Variants in PARVA observed in about 807,000 individuals in gnomAD.
PARVA encodes the protein alpha-parvin.
PARVA carries 25 observed loss-of-function variants against 52.6 expected under a neutral mutation model. That is an observed-to-expected ratio of 0.48 (90% CI 0.35 to 0.66). The LOEUF is 0.66. Ranked by LOEUF, PARVA falls within the 30% of genes least tolerant of loss-of-function variation. PARVA has a pLI of 0.01. For missense variants in PARVA, 373 were observed against 450.9 expected (o/e 0.83, Z 1.56); for synonymous variants, 185 against 179.1 (o/e 1.03, Z -0.26).
At chr11:12,506,571 T>C (rs1314826694) in intron 6 of PARVA, among the ~76,000 whole-genome samples, 1 of 152,244 alleles carries the variant, frequency 6.6e-6, no homozygotes, top group Non-Finnish European at 1.5e-5. Flanking sequence ...ATTGCAAGCC[T>C]GTGTCTCCTG....
rs1220972542 is a variant in PARVA at position 12,532,057 on chromosome 11, G to A, written c.*4132G>A. Among the ~76,000 whole-genome samples, 2 of 152,144 alleles carry A rather than the reference G, an allele frequency of 1.3e-5. No individual in the cohort carries two copies. The highest frequency in any genetic ancestry group is 1.3e-4 in the Admixed American group (2 of 15,272). On this transcript the variant is annotated 3_prime_UTR_variant, in exon 13 of 13. Transcript: ENST00000334956. ...AGGCTAGCTCCAAACTCTGCTTATA[G>A]CCCATGCTTTACTACAGTGGTGGTC...
intron 1 of PARVA, among the ~76,000 whole-genome samples, chr11:12,417,697 A>T (rs1297950948): frequency 6.6e-6 from 1 of 152,160 alleles, no homozygotes; most frequent in African/African-American, 2.4e-5. Flanking sequence ...GGCCCAAGTT[A>T]AGTTTGTATT....
intron 5 of PARVA, among the ~76,000 whole-genome samples, chr11:12,499,879 A>T (rs999362712): frequency 6.6e-6 from 1 of 152,220 alleles, no homozygotes; most frequent in Non-Finnish European, 1.5e-5. Flanking sequence ...GAAGATGTAT[A>T]TATTGACAAA....
Position 12,517,555 on chromosome 11 carries a change from TG to T in PARVA, c.868-51del, listed in dbSNP as rs1411440627. 7.7e-6 allele frequency: 10 copies of T among 1,300,244 alleles called. No homozygotes were observed. The African/African-American group carries it at 1.5e-4, about 19-fold the overall frequency. The allele number at this position is 1,300,244 out of a possible 1,614,324, so 80.5% of individuals were successfully genotyped here. ...CACAGAAGTTGATGGGCCCCCTGGA[TG>T]GGGATTGGCTGGGAGGCTCAGGGGC... On this transcript the variant is annotated intron_variant, in intron 10 of 12. Transcript: ENST00000334956.
In PARVA at chr11:12,377,769, A is replaced by T; in HGVS notation, c.122A>T (p.Lys41Met). The T allele has an allele frequency of 6.6e-7, 1 of 1,518,128 alleles. No individual in the cohort carries two copies. The highest frequency in any genetic ancestry group is 8.8e-7 in the Non-Finnish European group (1 of 1,137,134). 94.0% of individuals were successfully genotyped at this position (1,518,128 alleles called of 1,614,324 possible). A position where few individuals can be genotyped will look rare whatever the true frequency, so the allele number is the denominator to read the frequency against. Residue 41 changes from lysine to methionine, a missense_variant, in exon 1 of 13, where the codon AAG (lysine) becomes ATG (methionine). Lys to Met is a moderately conservative substitution (Grantham distance 95). Transcript: ENST00000334956. ...CTCGGAGGGACCCTGGCCCGGAGGA[A>T]GAAAGCCAAGGAGGGTGAGTGCGGC... ...GKLGGTLARR[K>M]KAKEVSELQE...
intron 1 of PARVA, among the ~76,000 whole-genome samples, chr11:12,404,600 A>C (rs1239217717): frequency 6.6e-6 from 1 of 152,362 alleles, no homozygotes; most frequent in East Asian, 1.9e-4. Context: ...GCAGGTGGCC[A>C]GGGCCATGTG....
chr11:12,475,926 G>A (rs930272362), intron 3 of PARVA, among the ~76,000 whole-genome samples: 1 of 152,210 alleles, frequency 6.6e-6, no homozygotes, highest in Non-Finnish European at 1.5e-5. Context: ...GAAGAAGATG[G>A]AACAGTTGAG....
chr11:12,428,857 G>T lies in PARVA; in HGVS notation c.137-44888G>T, dbSNP rs116672392. On this transcript the variant is annotated intron_variant, in intron 1 of 12. Coordinates refer to ENST00000334956, the MANE Select transcript of PARVA (RefSeq NM_018222.5). ...TATAAATTGAAAAGCCAATACAGGG[G>T]TATCATTTGCTAAGTGAATAAAAAC... 1.6e-3 allele frequency among the ~76,000 whole-genome samples: 247 copies of T among 152,314 alleles called. 2 individuals are homozygous for T. Among genetic ancestry groups the T allele is most frequent in the African/African-American group, 5.5e-3 (230 of 41,570 alleles).
intron 1 of PARVA, among the ~76,000 whole-genome samples, chr11:12,438,528 C>T (rs1313743364): frequency 6.6e-6 from 1 of 152,140 alleles, no homozygotes; most frequent in Non-Finnish European, 1.5e-5. Context: ...GGCCTACTCA[C>T]CTCTTAAAGT....
Position 12,377,799 on chromosome 11 carries a change from C to A in PARVA, c.136+16C>A, listed in dbSNP as rs1290758215. 2 of 1,476,920 alleles carry A rather than the reference C, an allele frequency of 1.4e-6. No homozygotes were observed. Among genetic ancestry groups the A allele is most frequent in the East Asian group, 6.1e-5 (2 of 32,574 alleles). 91.5% of individuals were successfully genotyped at this position (1,476,920 alleles called of 1,614,324 possible). A position where few individuals can be genotyped will look rare whatever the true frequency, so the allele number is the denominator to read the frequency against. ...GCCAAGGAGGGTGAGTGCGGCCAGG[C>A]CGGCCGGGCGGGCGGTAGGAGCCGG... On this transcript the variant is annotated intron_variant, in intron 1 of 12. Coordinates refer to ENST00000334956, the MANE Select transcript of PARVA (RefSeq NM_018222.5).
intron 1 of PARVA, among the ~76,000 whole-genome samples, chr11:12,470,279 G>A (rs1318216476): frequency 1.3e-5 from 2 of 152,218 alleles, no homozygotes; most frequent in Non-Finnish European, 2.9e-5. Flanking sequence ...TGCTTACAAT[G>A]CTTGAGGTGT....
intron 1 of PARVA, among the ~76,000 whole-genome samples, chr11:12,378,052 C>T (rs1939428912): frequency 6.7e-6 from 1 of 150,152 alleles, no homozygotes; most frequent in Non-Finnish European, 1.5e-5. Context: ...CAGGCCAACG[C>T]CCCCGCCGGG....
chr11:12,391,187 C>G (rs1341021290), intron 1 of PARVA, among the ~76,000 whole-genome samples: 1 of 152,136 alleles, frequency 6.6e-6, no homozygotes, highest in African/African-American at 2.4e-5. Context: ...AGATTTCACA[C>G]CTTGTAATGG....
intron 4 of PARVA, among the ~76,000 whole-genome samples, chr11:12,495,178 T>G (rs1225094038): frequency 1.3e-5 from 2 of 152,124 alleles, no homozygotes; most frequent in Non-Finnish European, 2.9e-5. Flanking sequence ...ACTTTAGAGA[T>G]AAAAATGGCT....
chr11:12,450,613 C>T (rs1254557308), intron 1 of PARVA, among the ~76,000 whole-genome samples: 4 of 152,210 alleles, frequency 2.6e-5, no homozygotes, highest in African/African-American at 9.6e-5. Flanking sequence ...CTCACACTCT[C>T]ACAAGGTAAA....
At chr11:12,525,649 T>C (rs1462933009) in intron 12 of PARVA, among the ~76,000 whole-genome samples, 1 of 152,086 alleles carries the variant, frequency 6.6e-6, no homozygotes, top group South Asian at 2.1e-4. Context: ...CAGAAGGTGA[T>C]TCAGGGTGGG....
chr11:12,387,110 T>C (rs1348263739), intron 1 of PARVA, among the ~76,000 whole-genome samples: 1 of 152,262 alleles, frequency 6.6e-6, no homozygotes, highest in Non-Finnish European at 1.5e-5. Flanking sequence ...CCACTCACTG[T>C]CATGGAACAA....
At chr11:12,496,734 C>T (rs1461162632) in intron 5 of PARVA, 136 bp downstream of exon 5, 12 of 788,434 alleles carry the variant, frequency 1.5e-5, no homozygotes, top group Non-Finnish European at 2.4e-5. Flanking sequence ...GAACAAGTTG[C>T]CCCGCTTCCT....
chr11:12,455,895 C>T (rs986120847), intron 1 of PARVA, among the ~76,000 whole-genome samples: 3 of 152,186 alleles, frequency 2.0e-5, no homozygotes, highest in Non-Finnish European at 4.4e-5. Flanking sequence ...TCCATTAACA[C>T]CTGTAAAATA....
Sources: allele counts gnomAD v4.1 joint callset (sites outside exome capture counted in the v4.1 genomes callset), GRCh38; gene constraint gnomAD v4.1.1; transcripts MANE v1.5; gene names NCBI Gene and HGNC (gene_info 2026-07-23, HGNC 2026-07-21).